The following CRPPA variants were observed in gnomAD, a reference collection of about 807,000 sequenced individuals.
CRPPA encodes CDP-L-ribitol pyrophosphorylase A.
A neutral mutation model predicts 52.0 loss-of-function variants in CRPPA; 43 were observed. That is an observed-to-expected ratio of 0.83 (90% CI 0.65 to 1.07). The LOEUF (loss-of-function observed/expected upper bound fraction) is 1.07. CRPPA is among the 50% of genes least tolerant of loss of function. The probability of loss-of-function intolerance (pLI) is 0.00; values close to 1 mark genes in which losing one functional copy is unlikely to be tolerated. For synonymous variants in CRPPA, 250 were observed against 203.5 expected, an observed-to-expected ratio of 1.23 and a Z score of -1.94; for missense variants, 629 against 551.7, an observed-to-expected ratio of 1.14 and a Z score of -1.40.
At chr7:16,147,103 C>T (rs1318981086) in intron 9 of CRPPA, among the ~76,000 whole-genome samples, 1 of 152,174 alleles carries the variant, frequency 6.6e-6, no homozygotes, top group Non-Finnish European at 1.5e-5. Context: ...GCTCTCTTGC[C>T]TGCCTGCTGC....
chr7:16,257,790 C>A (rs544012273), intron 8 of CRPPA, among the ~76,000 whole-genome samples: 1 of 152,178 alleles, frequency 6.6e-6, no homozygotes, highest in South Asian at 2.1e-4. Flanking sequence ...TGATTTTGTT[C>A]CTTCCTGAGT....
chr7:16,312,787 T>C (rs1051972437), intron 3 of CRPPA, among the ~76,000 whole-genome samples: 1 of 151,988 alleles, frequency 6.6e-6, no homozygotes, highest in Non-Finnish European at 1.5e-5. Context: ...GTATCATAAA[T>C]GAGTGTTGTA....
intron 6 of CRPPA, among the ~76,000 whole-genome samples, chr7:16,264,256 C>T (rs748556166): frequency 7.9e-5 from 12 of 152,130 alleles, no homozygotes; most frequent in Non-Finnish European, 1.3e-4. Context: ...TGTTTCCACA[C>T]TCAAACACAA....
At chr7:16,140,978 T>G (rs1472864944) in intron 9 of CRPPA, among the ~76,000 whole-genome samples, 2 of 152,168 alleles carry the variant, frequency 1.3e-5, no homozygotes, top group African/African-American at 2.4e-5. Flanking sequence ...TAAAACTGAC[T>G]AATGGACCTG....
chr7:16,233,127 G>T (rs932912110), intron 8 of CRPPA, among the ~76,000 whole-genome samples: 1 of 151,658 alleles, frequency 6.6e-6, no homozygotes, highest in Non-Finnish European at 1.5e-5. Context: ...CCATAAAAAC[G>T]ATTTTAAATT....
intron 3 of CRPPA, among the ~76,000 whole-genome samples, chr7:16,368,577 T>C (rs2128310724): frequency 6.6e-6 from 1 of 152,338 alleles, no homozygotes; most frequent in Non-Finnish European, 1.5e-5. Flanking sequence ...TGTGTGCACT[T>C]ACACTTACAA....
At chr7:16,404,006 C>A (rs974973509) in intron 2 of CRPPA, among the ~76,000 whole-genome samples, 8 of 152,160 alleles carry the variant, frequency 5.3e-5, no homozygotes, top group African/African-American at 1.9e-4. Context: ...CTTCAACATA[C>A]CTTTTTACTT....
intron 2 of CRPPA, among the ~76,000 whole-genome samples, chr7:16,379,900 G>A (rs1033057191): frequency 6.6e-6 from 1 of 152,120 alleles, no homozygotes; most frequent in Non-Finnish European, 1.5e-5. Context: ...CTGAGACAAT[G>A]GGGTTTTCTA....
Position 16,216,133 on chromosome 7 carries a change from C to T in CRPPA, c.1184G>A (p.Arg395Lys). 6.3e-7 allele frequency: 1 copy of T among 1,592,040 alleles called. No individual in the cohort carries two copies. The highest frequency in any genetic ancestry group is 1.1e-5 in the South Asian group (1 of 89,414). Residue 395 changes from arginine (R) to lysine (K), a missense_variant, in exon 9 of 10, where the codon AGA (arginine) becomes AAA (lysine). Physicochemically the swap from Arg to Lys is conservative, Grantham distance 26. Transcript: ENST00000407010. ...TTCTTTTACTTCCTTTGCAAATTCT[C>T]TAATCTGCATTAGGTTTTCCATTTT... ...SQKMENLMQI[R>K]EFAKEVKERN... is the part of the protein sequence containing the mutation.
chr7:16,376,310 T>G, intron 2 of CRPPA, 69 bp from the exon 3 acceptor site: 2 of 1,451,232 alleles, frequency 1.4e-6, no homozygotes, highest in African/African-American at 1.4e-5. Context: ...CTGAATTCAG[T>G]ATCTCACTTT....
intron 2 of CRPPA, among the ~76,000 whole-genome samples, chr7:16,397,908 C>T (rs931391720): frequency 5.3e-5 from 8 of 152,220 alleles, no homozygotes; most frequent in Non-Finnish European, 7.3e-5. Context: ...GCATGTTTGA[C>T]GTGACCAACA....
chr7:16,279,209 T>C (rs1485053090), intron 5 of CRPPA, among the ~76,000 whole-genome samples: 1 of 152,134 alleles, frequency 6.6e-6, no homozygotes, highest in Non-Finnish European at 1.5e-5. Flanking sequence ...CTCTGTAAAA[T>C]AGGGCCCATA....
rs2892801 is a variant in CRPPA at position 16,124,736 on chromosome 7, A to T, written c.1252-32937T>A. ...TTTGAATATTCCAACACACAAAAAA[A>T]TGATACATGTTTGAAGTGCTGGATA... On this transcript the variant is annotated intron_variant, in intron 9 of 9. Transcript: ENST00000407010. Among the ~76,000 whole-genome samples, 783 of 152,326 alleles carry T rather than the reference A, an allele frequency of 5.1e-3. 5 individuals are homozygous for T. Among genetic ancestry groups the T allele is most frequent in the African/African-American group, 0.018 (731 of 41,564 alleles).
At chr7:16,272,166 A>G (rs1784104116) in intron 6 of CRPPA, among the ~76,000 whole-genome samples, 2 of 152,202 alleles carry the variant, frequency 1.3e-5, no homozygotes. Context: ...GGAGGAAAAT[A>G]GCAAGACTGA....
intron 3 of CRPPA, among the ~76,000 whole-genome samples, chr7:16,338,551 A>C (rs910667411): frequency 1.3e-5 from 2 of 152,160 alleles, no homozygotes; most frequent in African/African-American, 4.8e-5. Context: ...AAGAGGGTAA[A>C]AATTACTAAT....
intron 2 of CRPPA, among the ~76,000 whole-genome samples, chr7:16,398,780 C>G (rs544829614): frequency 3.9e-5 from 6 of 152,318 alleles, no homozygotes; most frequent in East Asian, 1.9e-4. Flanking sequence ...GTGACTGACA[C>G]TTGACTGACA....
chr7:16,324,191 A>T (rs1785325721), intron 3 of CRPPA, among the ~76,000 whole-genome samples: 2 of 152,296 alleles, frequency 1.3e-5, no homozygotes, highest in South Asian at 4.1e-4. Context: ...CAGGGAATGG[A>T]CTAAGGCCTT....
At chr7:16,376,845 T>C (rs548654781) in intron 2 of CRPPA, among the ~76,000 whole-genome samples, 1 of 152,330 alleles carries the variant, frequency 6.6e-6, no homozygotes, top group South Asian at 2.1e-4. Context: ...AATAGTTGCA[T>C]CTGAACTTTA....
chr7:16,398,875 A>T (rs1310911001), intron 2 of CRPPA, among the ~76,000 whole-genome samples: 1 of 152,204 alleles, frequency 6.6e-6, no homozygotes, highest in Non-Finnish European at 1.5e-5. Flanking sequence ...CCAACACGTG[A>T]CTCACACGTG....
Sources: gnomAD v4.1 joint callset for allele counts (sites outside exome capture counted in the v4.1 genomes callset) on GRCh38, gnomAD v4.1.1 for gene constraint, MANE v1.5 for transcripts, NCBI Gene and HGNC (gene_info 2026-07-23, HGNC 2026-07-21) for gene names.